Variants in NFIB observed in about 807,000 individuals in gnomAD.
NFIB encodes nuclear factor I B.
NFIB carries 11 observed loss-of-function variants against 61.5 expected under a neutral mutation model. That is an observed-to-expected ratio of 0.18 (90% confidence interval 0.11 to 0.30). NFIB has a LOEUF of 0.30. Among genes scored for constraint, NFIB ranks in the 10% least tolerant of loss-of-function variants. NFIB has a pLI of 1.00. For missense variants in NFIB, 471 were observed against 608.9 expected (o/e 0.77, Z 2.38); for synonymous variants, 260 against 216.5 (o/e 1.20, Z -1.76).
the NFIB span, among the ~76,000 whole-genome samples, chr9:14,496,617 C>G: frequency 1.3e-5 from 2 of 152,156 alleles, no homozygotes; most frequent in African/African-American, 2.4e-5. Flanking sequence ...ACCCTTGGCA[C>G]CTTGCATTTC....
intron 3 of NFIB, among the ~76,000 whole-genome samples, chr9:14,167,091 G>T (rs1027980826): frequency 6.7e-6 from 1 of 148,794 alleles, no homozygotes; most frequent in Non-Finnish European, 1.5e-5. Context: ...GTCGGGGGGG[G>T]GGGGTTCCCC....
chr9:14,276,584 A>C (rs1429856534), intron 2 of NFIB, among the ~76,000 whole-genome samples: 1 of 152,120 alleles, frequency 6.6e-6, no homozygotes, highest in Non-Finnish European at 1.5e-5. Context: ...CACTTCCTAC[A>C]TGTGAAATAC....
At chr9:14,208,635 T>C (rs1004290652) in intron 2 of NFIB, among the ~76,000 whole-genome samples, 2 of 151,960 alleles carry the variant, frequency 1.3e-5, no homozygotes, top group African/African-American at 4.8e-5. Flanking sequence ...CCTATTCCAA[T>C]GACCATAATA....
At chr9:14,173,410 TA>T (rs2045794805) in intron 3 of NFIB, among the ~76,000 whole-genome samples, 1 of 152,138 alleles carries the variant, frequency 6.6e-6, no homozygotes, top group South Asian at 2.1e-4. Flanking sequence ...GTCTTTATCT[TA>T]AATATAAATA....
chr9:14,395,902 G>C (rs1037453640), intron 1 of NFIB, among the ~76,000 whole-genome samples: 3 of 151,682 alleles, frequency 2.0e-5, no homozygotes, highest in African/African-American at 2.4e-5. Context: ...GGGTGTGGGT[G>C]GGGGTGGGGA....
chr9:14,136,664 T>C (rs113260529), intron 6 of NFIB, among the ~76,000 whole-genome samples: 4,043 of 152,280 alleles, frequency 0.027, 81 homozygotes, highest in Non-Finnish European at 0.043. Context: ...TGTGTTACTT[T>C]AGTGGATTTA....
At chr9:14,368,584 C>T (rs994268188) in intron 1 of NFIB, among the ~76,000 whole-genome samples, 2 of 152,088 alleles carry the variant, frequency 1.3e-5, no homozygotes, top group South Asian at 2.1e-4. Flanking sequence ...AAGCATTTCT[C>T]GACCATTATC....
At chr9:14,391,068 G>T (rs1208402563) in intron 1 of NFIB, among the ~76,000 whole-genome samples, 1 of 152,140 alleles carries the variant, frequency 6.6e-6, no homozygotes, top group African/African-American at 2.4e-5. Context: ...CCTCAAAAAG[G>T]TGGAATATAA....
the NFIB span, among the ~76,000 whole-genome samples, chr9:14,407,699 T>C: frequency 6.6e-6 from 1 of 152,206 alleles, no homozygotes. Context: ...TTTATTTTTA[T>C]TTTTAGAGAC....
At chr9:14,454,332 G>A in the NFIB span, among the ~76,000 whole-genome samples, 3 of 152,322 alleles carry the variant, frequency 2.0e-5, no homozygotes, top group East Asian at 5.8e-4. Context: ...TTTAGCTGCA[G>A]ACAATCTGCA....
At chr9:14,401,275 G>A (rs764570336), upstream of NFIB, among the ~76,000 whole-genome samples, 1 of 152,152 alleles carries the variant, frequency 6.6e-6, no homozygotes, top group African/African-American at 2.4e-5. Context: ...TCCTGAATCT[G>A]TTCAACTTTT....
intron 2 of NFIB, among the ~76,000 whole-genome samples, chr9:14,304,731 G>C (rs2059929820): frequency 6.6e-6 from 1 of 152,134 alleles, no homozygotes; most frequent in African/African-American, 2.4e-5. Flanking sequence ...CATGTACTTA[G>C]AAGACAAATA....
At chr9:14,242,967 T>C (rs894776157) in intron 2 of NFIB, among the ~76,000 whole-genome samples, 36 of 152,332 alleles carry the variant, frequency 2.4e-4, no homozygotes, top group African/African-American at 8.4e-4. Context: ...TGATGCATGT[T>C]TGAAAGATAA....
chr9:14,332,049 G>A (rs1013976734), intron 1 of NFIB, among the ~76,000 whole-genome samples: 1 of 152,058 alleles, frequency 6.6e-6, no homozygotes, highest in African/African-American at 2.4e-5. Context: ...AAACCAAGAG[G>A]AAGCCAGGTG....
the NFIB span, among the ~76,000 whole-genome samples, chr9:14,510,031 G>T: frequency 6.3e-4 from 96 of 152,180 alleles, no homozygotes; most frequent in Non-Finnish European, 1.2e-3. Context: ...TGAGTAGCTG[G>T]GATACAGGAG....
chr9:14,230,517 A>C (rs1048454354), intron 2 of NFIB, among the ~76,000 whole-genome samples: 7 of 152,190 alleles, frequency 4.6e-5, no homozygotes, highest in African/African-American at 1.4e-4. Context: ...GCAGAGATAT[A>C]GTCTATATCC....
intron 1 of NFIB, among the ~76,000 whole-genome samples, chr9:14,347,804 G>C (rs1255861085): frequency 6.6e-6 from 1 of 152,190 alleles, no homozygotes; most frequent in African/African-American, 2.4e-5. Context: ...GCTCAGGGCG[G>C]TAGAGGGCAA....
At chr9:14,130,308 T>A (rs190352561) in intron 6 of NFIB, among the ~76,000 whole-genome samples, 12 of 152,322 alleles carry the variant, frequency 7.9e-5, no homozygotes, top group Admixed American at 7.8e-4. Context: ...AATTTTCTTA[T>A]GGCTTCCATT....
intron 2 of NFIB, among the ~76,000 whole-genome samples, chr9:14,249,422 T>C (rs2055320967): frequency 6.6e-6 from 1 of 152,224 alleles, no homozygotes; most frequent in Admixed American, 6.5e-5. Context: ...TTTTATGCTC[T>C]TATAGCATCA....
Sources: allele counts gnomAD v4.1 joint callset (sites outside exome capture counted in the v4.1 genomes callset), GRCh38; gene constraint gnomAD v4.1.1; transcripts MANE v1.5; gene names NCBI Gene and HGNC (gene_info 2026-07-23, HGNC 2026-07-21).